ZFHX4: variants seen among roughly 807,000 people sequenced by gnomAD.
ZFHX4 encodes zinc finger homeobox 4.
In ZFHX4, 56 loss-of-function variants were observed where a neutral mutation model predicts 267.6. That is an observed-to-expected ratio of 0.21 (90% CI 0.17 to 0.26). The LOEUF (loss-of-function observed/expected upper bound fraction) is 0.26, where lower values mean the gene tolerates loss of function less well. Ranked by LOEUF, ZFHX4 falls within the 10% of genes least tolerant of loss-of-function variation. The pLI is 1.00. For missense variants in ZFHX4, 4,332 were observed against 4,420.0 expected, an observed-to-expected ratio of 0.98 and a Z score of 0.56; for synonymous variants, 1,778 against 1,665.6, an observed-to-expected ratio of 1.07 and a Z score of -1.64.
chr8:76,751,033 C>T (rs1481772579), intron 3 of ZFHX4, among the ~76,000 whole-genome samples: 1 of 152,094 alleles, frequency 6.6e-6, no homozygotes, highest in Non-Finnish European at 1.5e-5. Context: ...TTTCCTGTCT[C>T]CCCATATCAC....
chr8:76,721,859 G>A (rs902173006), intron 3 of ZFHX4, among the ~76,000 whole-genome samples: 16 of 152,136 alleles, frequency 1.1e-4, no homozygotes, highest in Admixed American at 7.2e-4. Flanking sequence ...GTTTGTGACC[G>A]TATGTATGAT....
intron 10 of ZFHX4, among the ~76,000 whole-genome samples, chr8:76,861,748 A>G (rs10755960): frequency 0.84 from 127,750 of 151,658 alleles, 54,131 homozygotes; most frequent in African/African-American, 0.92. Flanking sequence ...AAAGAAGCAT[A>G]CAGTTTTTCT....
At chr8:76,836,625 A>G (rs1386549304) in intron 5 of ZFHX4, among the ~76,000 whole-genome samples, 1 of 152,138 alleles carries the variant, frequency 6.6e-6, no homozygotes, top group Non-Finnish European at 1.5e-5. Context: ...GGAGTGTAGC[A>G]TAACATGCAG....
At chr8:76,817,627 C>T (rs1026692787) in intron 4 of ZFHX4, among the ~76,000 whole-genome samples, 1 of 152,054 alleles carries the variant, frequency 6.6e-6, no homozygotes, top group Non-Finnish European at 1.5e-5. Flanking sequence ...CAAGAAGGGA[C>T]TAGGAAAAGG....
rs1161562928 is a variant in ZFHX4 at position 76,833,376 on chromosome 8, C to A, written c.3364C>A (p.Leu1122Ile). 1 of 1,610,506 alleles carries A rather than the reference C, an allele frequency of 6.2e-7. No individual in the cohort carries two copies. Among genetic ancestry groups the A allele is most frequent in the Non-Finnish European group, 8.5e-7 (1 of 1,178,212 alleles). ...SLGARTCDDD[L>I]TEQQLRSTSE... ...GGGAGCCAGGACTTGTGATGATGAT[C>A]TTACAGAGCAGCAGTTGAGATCGAC... The change falls in exon 5 of 11, where the codon CTT becomes ATT. Residue 1122 changes from leucine (L) to isoleucine (I), a missense_variant. Leu to Ile is a conservative substitution (Grantham distance 5, BLOSUM62 2). Transcript: ENST00000651372.
At chr8:76,758,092 A>G (rs1809810888) in intron 3 of ZFHX4, among the ~76,000 whole-genome samples, 1 of 152,176 alleles carries the variant, frequency 6.6e-6, no homozygotes, top group South Asian at 2.1e-4. Flanking sequence ...TCCTGAGGAT[A>G]CCAAGGAAGG....
chr8:76,725,061 C>T (rs1808817683), intron 3 of ZFHX4, among the ~76,000 whole-genome samples: 1 of 151,950 alleles, frequency 6.6e-6, no homozygotes, highest in Admixed American at 6.6e-5. Flanking sequence ...ATGTATAGCT[C>T]TTCATCCTGT....
intron 4 of ZFHX4, among the ~76,000 whole-genome samples, chr8:76,830,518 A>C (rs1811905848): frequency 6.6e-6 from 1 of 152,174 alleles, no homozygotes. Flanking sequence ...AAACATTTTC[A>C]TTTTACACAG....
chr8:76,732,751 A>G (rs1395541896), intron 3 of ZFHX4, among the ~76,000 whole-genome samples: 1 of 152,214 alleles, frequency 6.6e-6, no homozygotes, highest in South Asian at 2.1e-4. Context: ...GTTTTCCCTC[A>G]ATAGCATACC....
Position 76,848,279 on chromosome 8 carries a change from T to C in ZFHX4, c.3512-716T>C, listed in dbSNP as rs193046089. Among the ~76,000 whole-genome samples the C allele has an allele frequency of 5.3e-5, 8 of 152,310 alleles. No individual in the cohort carries two copies. In the East Asian group the frequency reaches 1.5e-3, roughly 29 times the overall value. On this transcript the variant is annotated intron_variant, in intron 6 of 10. Transcript: ENST00000651372. ...TTAGATTGGGAAATTAGAATTGCACTCTTTTCTTTGATGTATATGAGGCTC... is the reference window on the plus strand; with the variant it reads ...TTAGATTGGGAAATTAGAATTGCACCCTTTTCTTTGATGTATATGAGGCTC...
intron 1 of ZFHX4, among the ~76,000 whole-genome samples, chr8:76,698,732 T>C (rs1808022177): frequency 6.6e-6 from 1 of 152,146 alleles, no homozygotes; most frequent in Non-Finnish European, 1.5e-5. Flanking sequence ...CACATACTCA[T>C]ACTTGTCTTT....
At chr8:76,769,445 G>A (rs931155226) in intron 3 of ZFHX4, among the ~76,000 whole-genome samples, 1 of 151,940 alleles carries the variant, frequency 6.6e-6, no homozygotes, top group East Asian at 1.9e-4. Flanking sequence ...GACCTCCCAG[G>A]CTTAAGCGAT....
chr8:76,708,121 A>G (rs2131615404), intron 3 of ZFHX4, 73 bp downstream of exon 3: 2 of 1,581,942 alleles, frequency 1.3e-6, no homozygotes, highest in Non-Finnish European at 1.7e-6. Context: ...TTGGAGCACA[A>G]GTCTCCAACT....
intron 3 of ZFHX4, among the ~76,000 whole-genome samples, chr8:76,761,394 C>T (rs989131732): frequency 1.3e-5 from 2 of 152,200 alleles, no homozygotes; most frequent in African/African-American, 4.8e-5. Context: ...CATGGCAATG[C>T]TACATGTGGG....
chr8:76,774,106 G>C (rs1008873368), intron 3 of ZFHX4, among the ~76,000 whole-genome samples: 1 of 152,058 alleles, frequency 6.6e-6, no homozygotes, highest in African/African-American at 2.4e-5. Context: ...AATCCTGTAA[G>C]TTGCTCATCA....
intron 4 of ZFHX4, among the ~76,000 whole-genome samples, chr8:76,789,124 A>G (rs980144924): frequency 6.6e-6 from 1 of 152,198 alleles, no homozygotes; most frequent in African/African-American, 2.4e-5. Flanking sequence ...AAACTGACAT[A>G]TGATTGTGAA....
intron 3 of ZFHX4, among the ~76,000 whole-genome samples, chr8:76,718,767 T>C (rs560667734): frequency 2.4e-4 from 37 of 152,212 alleles, no homozygotes; most frequent in Non-Finnish European, 4.1e-4. Flanking sequence ...TGCTCAGTTT[T>C]TTTCCACATT....
chr8:76,699,391 GA>G (rs1003903984), intron 1 of ZFHX4, among the ~76,000 whole-genome samples: 3 of 152,044 alleles, frequency 2.0e-5, no homozygotes, highest in Non-Finnish European at 2.9e-5. Context: ...CTGCAGTGGA[GA>G]AAAAGTTACA....
intron 3 of ZFHX4, among the ~76,000 whole-genome samples, chr8:76,752,952 T>A (rs1809660247): frequency 6.6e-6 from 1 of 152,236 alleles, no homozygotes; most frequent in South Asian, 2.1e-4. Context: ...GAAAAGGTTC[T>A]GGGTTTATTT....
Sources: gnomAD v4.1 joint callset for allele counts (sites outside exome capture counted in the v4.1 genomes callset) on GRCh38, gnomAD v4.1.1 for gene constraint, MANE v1.5 for transcripts, NCBI Gene and HGNC (gene_info 2026-07-23, HGNC 2026-07-21) for gene names.